SNX18: variants seen among roughly 807,000 people sequenced by gnomAD.
SNX18 encodes the protein sorting nexin-18.
SNX18 carries 35 observed loss-of-function variants against 48.7 expected under a neutral mutation model. The ratio of observed to expected loss-of-function variants is 0.72; its 90% CI spans 0.55 to 0.95. SNX18 has a LOEUF of 0.95. Among genes scored for constraint, SNX18 ranks in the 40% least tolerant of loss-of-function variants. SNX18 has a pLI of 0.00. For missense variants in SNX18, 824 were observed against 871.0 expected (o/e 0.95, Z 0.68); for synonymous variants, 492 against 384.7 (o/e 1.28, Z -3.26).
chr5:54,598,179 G>A, the SNX18 span, among the ~76,000 whole-genome samples: 7,880 of 152,206 alleles, frequency 0.052, 261 homozygotes, highest in Non-Finnish European at 0.079. Flanking sequence ...ACTGAACTGG[G>A]AAGAAGTTGA....
the SNX18 span, chr5:54,645,360 A>G: frequency 1.3e-5 from 2 of 152,244 alleles, no homozygotes; most frequent in Non-Finnish European, 1.5e-5. Flanking sequence ...ATTGTGTTGC[A>G]TTGCATTATA....
chr5:54,584,435 C>T, the SNX18 span, among the ~76,000 whole-genome samples: 1 of 152,154 alleles, frequency 6.6e-6, no homozygotes, highest in East Asian at 1.9e-4. Flanking sequence ...ATATTACCCC[C>T]AATGTGCTTA....
At chr5:54,642,621 C>T in the SNX18 span, among the ~76,000 whole-genome samples, 1 of 152,070 alleles carries the variant, frequency 6.6e-6, no homozygotes, top group East Asian at 1.9e-4. Flanking sequence ...GGATGCAGGT[C>T]CATATCCATG....
At chr5:54,642,046 A>G in the SNX18 span, among the ~76,000 whole-genome samples, 1 of 152,212 alleles carries the variant, frequency 6.6e-6, no homozygotes, top group Non-Finnish European at 1.5e-5. Flanking sequence ...GGACCTGAGT[A>G]CTAAGATTAG....
chr5:54,580,630 A>G, the SNX18 span, among the ~76,000 whole-genome samples: 1 of 152,300 alleles, frequency 6.6e-6, no homozygotes, highest in African/African-American at 2.4e-5. Context: ...GTAAAACTAG[A>G]TTTGTCTGCA....
At chr5:54,598,054 G>A in the SNX18 span, among the ~76,000 whole-genome samples, 1 of 151,920 alleles carries the variant, frequency 6.6e-6, no homozygotes, top group Non-Finnish European at 1.5e-5. Flanking sequence ...AATGATAGAG[G>A]TATCAGCACG....
At position 54,519,513 on chromosome 5, in the gene SNX18, C is replaced by T. The variant is rs1385857445; in HGVS notation, c.1561C>T (p.Leu521=). 2.5e-6 allele frequency: 4 copies of T among 1,614,208 alleles called. No individual in the cohort carries two copies. Among genetic ancestry groups the T allele is most frequent in the East Asian group, 4.5e-5 (2 of 44,874 alleles). ...GCAGGACCTGGATCCCGTCATGGAC[C>T]TATTAGCGCTGTATCAGGGGCATCT... is the stretch of plus-strand genomic sequence containing the variant. The part of the protein sequence containing the change: ...PRQDLDPVMD[L]LALYQGHLAN... The change falls in exon 1 of 2, where the codon CTA becomes TTA. Residue 521 remains leucine, a synonymous_variant. Coordinates refer to ENST00000381410, the MANE Select transcript of SNX18 (RefSeq NM_001102575.2).
intron 1 of SNX18, among the ~76,000 whole-genome samples, chr5:54,530,744 A>ATTTTTTTTTTTTTTTTTTTTTTTTTTT (rs70986692): frequency 1.4e-5 from 1 of 72,520 alleles, no homozygotes; most frequent in East Asian, 5.2e-4. Flanking sequence ...AACCACAGAA[A>ATTTTTTTTTTTTTTTTTTTTTTTTTTT]TTTTTTTTTT....
the SNX18 span, among the ~76,000 whole-genome samples, chr5:54,555,224 C>G: frequency 6.6e-6 from 1 of 152,220 alleles, no homozygotes; most frequent in Non-Finnish European, 1.5e-5. Flanking sequence ...GTTAGGTGTC[C>G]TCTGTTGTAC....
the SNX18 span, among the ~76,000 whole-genome samples, chr5:54,622,113 C>T: frequency 0.013 from 2,052 of 152,274 alleles, 21 homozygotes; most frequent in South Asian, 0.027. Flanking sequence ...CAAAATGATG[C>T]TATTTATTTG....
chr5:54,629,989 C>A, the SNX18 span, among the ~76,000 whole-genome samples: 1 of 152,182 alleles, frequency 6.6e-6, no homozygotes, highest in Admixed American at 6.5e-5. Context: ...GAGCTCTTAT[C>A]ATATTAAACA....
chr5:54,591,383 G>A, the SNX18 span, among the ~76,000 whole-genome samples: 1 of 152,112 alleles, frequency 6.6e-6, no homozygotes, highest in Non-Finnish European at 1.5e-5. Context: ...TAGCAATGGG[G>A]TCTTGCTATA....
At chr5:54,596,840 T>C in the SNX18 span, among the ~76,000 whole-genome samples, 117 of 152,324 alleles carry the variant, frequency 7.7e-4, no homozygotes, top group African/African-American at 2.6e-3. Context: ...CTTTCTTACA[T>C]TGGTTCCCTG....
chr5:54,540,107 T>C (rs956863994), intron 1 of SNX18, among the ~76,000 whole-genome samples: 2 of 152,192 alleles, frequency 1.3e-5, no homozygotes, highest in Non-Finnish European at 2.9e-5. Context: ...TATTACATGC[T>C]GGCAGATCCT....
Position 54,518,646 on chromosome 5 carries a change from T to G in SNX18, c.694T>G (p.Phe232Val). The stretch of plus-strand genomic sequence containing the variant: ...CACCGTGAGCCGCAACCTCAATCGC[T>G]TCTCCACCTTCGTCAAGTCCGGCGG... The part of the protein sequence containing the change: ...SATVSRNLNR[F>V]STFVKSGGEA... The change falls in exon 1 of 2, where the codon TTC becomes GTC. Residue 232 changes from phenylalanine to valine, a missense_variant. Phe to Val is a conservative substitution (Grantham distance 50). Transcript: ENST00000381410. The G allele has an allele frequency of 6.4e-7, 1 of 1,558,198 alleles. No individual in the cohort carries two copies. Among genetic ancestry groups the G allele is most frequent in the South Asian group, 1.2e-5 (1 of 82,158 alleles).
the SNX18 span, among the ~76,000 whole-genome samples, chr5:54,592,274 CT>C: frequency 6.6e-6 from 1 of 152,120 alleles, no homozygotes; most frequent in Non-Finnish European, 1.5e-5. Context: ...ACCTTCCCTT[CT>C]TTTCTTCATC....
the SNX18 span, among the ~76,000 whole-genome samples, chr5:54,583,177 A>C: frequency 6.6e-6 from 1 of 152,160 alleles, no homozygotes; most frequent in Admixed American, 6.5e-5. Flanking sequence ...GTCTTAAGCT[A>C]TGTTTCTCAG....
chr5:54,561,470 T>C, the SNX18 span, among the ~76,000 whole-genome samples: 1 of 151,422 alleles, frequency 6.6e-6, no homozygotes, highest in East Asian at 1.9e-4. Flanking sequence ...CCCAAGTAAC[T>C]GGGATTAGAG....
the SNX18 span, among the ~76,000 whole-genome samples, chr5:54,620,702 A>T: frequency 5.4e-4 from 82 of 152,342 alleles, no homozygotes; most frequent in African/African-American, 1.9e-3. Context: ...CCATAACAAA[A>T]TACCATAGAC....
Sources: gnomAD v4.1 joint callset for allele counts (sites outside exome capture counted in the v4.1 genomes callset) on GRCh38, gnomAD v4.1.1 for gene constraint, MANE v1.5 for transcripts, NCBI Gene and HGNC (gene_info 2026-07-23, HGNC 2026-07-21) for gene names.